BBS9: variants seen among roughly 807,000 people sequenced by gnomAD.
BBS9 encodes protein PTHB1.
A neutral mutation model predicts 117.7 loss-of-function variants in BBS9; 89 were observed. The observed-to-expected ratio is 0.76, with a 90% CI of 0.64 to 0.90. BBS9 has a LOEUF of 0.90. Ranked by LOEUF, BBS9 falls within the 40% of genes least tolerant of loss-of-function variation. The pLI is 0.00. For missense variants in BBS9, 982 were observed against 1,042.2 expected (o/e 0.94, Z 0.80); for synonymous variants, 379 against 370.9 (o/e 1.02, Z -0.25).
At chr7:33,401,703 C>T (rs1442233759) in intron 19 of BBS9, among the ~76,000 whole-genome samples, 1 of 152,076 alleles carries the variant, frequency 6.6e-6, no homozygotes, top group Non-Finnish European at 1.5e-5. Context: ...ACCAAGGTTC[C>T]CTTGATGCAG....
intron 20 of BBS9, among the ~76,000 whole-genome samples, chr7:33,530,255 C>T (rs1373148878): frequency 6.6e-6 from 1 of 152,186 alleles, no homozygotes; most frequent in Non-Finnish European, 1.5e-5. Context: ...TGGCATCATG[C>T]CTCATCTATA....
intron 5 of BBS9, among the ~76,000 whole-genome samples, chr7:33,182,889 T>A (rs1464431584): frequency 6.6e-6 from 1 of 152,068 alleles, no homozygotes; most frequent in Admixed American, 6.5e-5. Flanking sequence ...TTATACCAGA[T>A]CCTGGATCCC....
intron 5 of BBS9, among the ~76,000 whole-genome samples, chr7:33,230,580 G>A (rs1792169510): frequency 1.3e-5 from 2 of 152,222 alleles, no homozygotes; most frequent in Non-Finnish European, 2.9e-5. Context: ...CTTCCGCCCT[G>A]CCTGCTTCTG....
intron 19 of BBS9, among the ~76,000 whole-genome samples, chr7:33,500,748 C>A (rs569495020): frequency 6.6e-6 from 1 of 152,194 alleles, no homozygotes; most frequent in Admixed American, 6.5e-5. Context: ...TGATTCATGT[C>A]TACTCTGCTG....
intron 19 of BBS9, among the ~76,000 whole-genome samples, chr7:33,394,054 C>G (rs1451679279): frequency 6.6e-6 from 1 of 152,122 alleles, no homozygotes; most frequent in African/African-American, 2.4e-5. Flanking sequence ...CAACAAGCAC[C>G]CTTATGGAGG....
chr7:33,397,283 C>T (rs1828144048), intron 19 of BBS9, among the ~76,000 whole-genome samples: 2 of 152,046 alleles, frequency 1.3e-5, no homozygotes, highest in African/African-American at 2.4e-5. Context: ...ATCTCACACA[C>T]CAGTCAGAAT....
chr7:33,219,973 A>AC (rs1789918035), intron 5 of BBS9, among the ~76,000 whole-genome samples: 1 of 152,098 alleles, frequency 6.6e-6, no homozygotes, highest in Non-Finnish European at 1.5e-5. Context: ...CCATGAACCC[A>AC]CCAGAAGGAA....
chr7:33,484,294 A>T (rs1039115549), intron 19 of BBS9, among the ~76,000 whole-genome samples: 8 of 152,220 alleles, frequency 5.3e-5, no homozygotes, highest in Non-Finnish European at 1.2e-4. Flanking sequence ...TGGATGAAAA[A>T]ATATATATTT....
At chr7:33,566,264 AAAG>A (rs1052204762) in intron 21 of BBS9, among the ~76,000 whole-genome samples, 4 of 149,752 alleles carry the variant, frequency 2.7e-5, no homozygotes, top group African/African-American at 9.8e-5. Flanking sequence ...TTTTTTAAAA[AAAG>A]ATGTCTGTAC....
chr7:33,598,010 A>G (rs960946705), intron 21 of BBS9, among the ~76,000 whole-genome samples: 2 of 151,934 alleles, frequency 1.3e-5, no homozygotes, highest in Non-Finnish European at 2.9e-5. Flanking sequence ...CTCTTTAAAG[A>G]TGGGGCAACT....
At chr7:33,202,504 G>A (rs1300585721) in intron 5 of BBS9, among the ~76,000 whole-genome samples, 3 of 152,136 alleles carry the variant, frequency 2.0e-5, no homozygotes, top group Non-Finnish European at 2.9e-5. Context: ...AATTTATAAA[G>A]AAAAGAGGTT....
chr7:33,494,801 A>G (rs560712427), intron 19 of BBS9, among the ~76,000 whole-genome samples: 3 of 152,372 alleles, frequency 2.0e-5, no homozygotes, highest in African/African-American at 7.2e-5. Flanking sequence ...TTTATAGCAC[A>G]GTAGAAATCA....
intron 21 of BBS9, among the ~76,000 whole-genome samples, chr7:33,590,459 G>GTTTTTGTT (rs1554551690): frequency 6.9e-5 from 7 of 101,504 alleles, no homozygotes; most frequent in African/African-American, 2.8e-4. Context: ...TTGTTTTTTT[G>GTTTTTGTT]TTTTTTTTTT....
intron 7 of BBS9, among the ~76,000 whole-genome samples, chr7:33,267,295 C>T (rs902238490): frequency 7.9e-5 from 12 of 151,990 alleles, no homozygotes; most frequent in Non-Finnish European, 1.8e-4. Context: ...ATCTGTTTGT[C>T]CCTTTATACT....
intron 20 of BBS9, among the ~76,000 whole-genome samples, chr7:33,529,860 A>G (rs539279386): frequency 6.6e-6 from 1 of 152,368 alleles, no homozygotes; most frequent in African/African-American, 2.4e-5. Flanking sequence ...ATTGATATTT[A>G]TCTTTAAAAG....
chr7:33,133,261 A>T (rs1046362506), intron 1 of BBS9, among the ~76,000 whole-genome samples: 3 of 152,258 alleles, frequency 2.0e-5, no homozygotes, highest in Non-Finnish European at 2.9e-5. Flanking sequence ...TACAATTCAA[A>T]TACCATACAA....
intron 5 of BBS9, among the ~76,000 whole-genome samples, chr7:33,186,837 C>G (rs575298425): frequency 6.6e-6 from 1 of 152,164 alleles, no homozygotes; most frequent in Non-Finnish European, 1.5e-5. Context: ...TTTTTATGCT[C>G]TTGACAAATT....
intron 19 of BBS9, among the ~76,000 whole-genome samples, chr7:33,481,050 A>T (rs1026791816): frequency 6.6e-6 from 1 of 152,184 alleles, no homozygotes; most frequent in East Asian, 1.9e-4. Flanking sequence ...TTTATAAATT[A>T]TCCAGTCTCA....
At chr7:33,393,027 G>C (rs1257661277) in intron 19 of BBS9, among the ~76,000 whole-genome samples, 1 of 152,032 alleles carries the variant, frequency 6.6e-6, no homozygotes, top group Non-Finnish European at 1.5e-5. Flanking sequence ...TTAGCTGATA[G>C]AGGTGGTGCT....
Sources: gnomAD v4.1 joint callset for allele counts (sites outside exome capture counted in the v4.1 genomes callset) on GRCh38, gnomAD v4.1.1 for gene constraint, MANE v1.5 for transcripts, NCBI Gene and HGNC (gene_info 2026-07-23, HGNC 2026-07-21) for gene names.